SOX5: variants seen among roughly 807,000 people sequenced by gnomAD.
The protein encoded by SOX5 is transcription factor SOX-5.
In SOX5, 9 loss-of-function variants were observed where a neutral mutation model predicts 92.0. The ratio of observed to expected loss-of-function variants is 0.10; its 90% CI spans 0.06 to 0.17. The LOEUF (loss-of-function observed/expected upper bound fraction) is 0.17, where lower values mean the gene tolerates loss of function less well. Among genes scored for constraint, SOX5 ranks in the 10% least tolerant of loss-of-function variants. The probability of loss-of-function intolerance (pLI) is 1.00; values close to 1 mark genes in which losing one functional copy is unlikely to be tolerated. For synonymous variants in SOX5, 344 were observed against 336.3 expected (o/e 1.02, Z -0.25); for missense variants, 642 against 944.5 (o/e 0.68, Z 4.20).
chr12:23,711,030 G>A (rs766561286), intron 6 of SOX5, among the ~76,000 whole-genome samples: 12 of 152,108 alleles, frequency 7.9e-5, no homozygotes, highest in Non-Finnish European at 1.6e-4. Context: ...AGTTCAAGGA[G>A]TGCCTTGAAA....
At chr12:24,355,970 G>C (rs1954780258) in intron 2 of SOX5, among the ~76,000 whole-genome samples, 1 of 152,102 alleles carries the variant, frequency 6.6e-6, no homozygotes, top group Non-Finnish European at 1.5e-5. Context: ...ATAGAAAGAT[G>C]CAATTGGTCA....
At chr12:24,049,046 T>C (rs1483606518) in intron 4 of SOX5, among the ~76,000 whole-genome samples, 1 of 152,052 alleles carries the variant, frequency 6.6e-6, no homozygotes, top group Non-Finnish European at 1.5e-5. Context: ...CTAATAAAGT[T>C]ATTGCCAAAA....
intron 4 of SOX5, among the ~76,000 whole-genome samples, chr12:24,170,100 T>C (rs1323049948): frequency 6.6e-6 from 1 of 152,070 alleles, no homozygotes; most frequent in African/African-American, 2.4e-5. Context: ...GACCCCGCCG[T>C]TTTTCTCAGG....
intron 9 of SOX5, among the ~76,000 whole-genome samples, chr12:23,591,182 A>G (rs1951492909): frequency 1.3e-5 from 2 of 152,226 alleles, no homozygotes; most frequent in African/African-American, 2.4e-5. Flanking sequence ...AGTTAAAAAA[A>G]TCCTTATACA....
intron 3 of SOX5, among the ~76,000 whole-genome samples, chr12:23,827,268 C>A (rs973128251): frequency 6.6e-6 from 1 of 152,114 alleles, no homozygotes; most frequent in African/African-American, 2.4e-5. Flanking sequence ...ATTAAACTGT[C>A]TATCATGTTT....
intron 2 of SOX5, among the ~76,000 whole-genome samples, chr12:23,893,842 A>T (rs1041485110): frequency 5.9e-5 from 9 of 152,206 alleles, no homozygotes; most frequent in Non-Finnish European, 8.8e-5. Context: ...GAAGATAAAA[A>T]GTTTCATCAT....
At chr12:24,179,943 TA>T (rs10711734) in intron 4 of SOX5, among the ~76,000 whole-genome samples, 16,248 of 142,514 alleles carry the variant, frequency 0.11, 1,089 homozygotes, top group East Asian at 0.33. Context: ...TTTTTTTTAT[TA>T]AAAAAAAAAA....
At position 23,846,112 on chromosome 12, in the gene SOX5, G is replaced by T; in HGVS notation, c.352C>A (p.Arg118=). The change falls in exon 3 of 15, where the codon CGA becomes AGA. Residue 118 remains arginine, a synonymous_variant. Transcript: ENST00000451604. Reference sequence around the variant, plus strand: ...CTAGACAAGGACTCGCCACTCTGTCGCCCACCTTCTTCTGCCTTCTGAGGT... The same window carrying T: ...CTAGACAAGGACTCGCCACTCTGTCTCCCACCTTCTTCTGCCTTCTGAGGT... ...TSPQKAEEGG[R]QSGESLSSTA... The T allele has an allele frequency of 6.2e-7, 1 of 1,614,004 alleles. No homozygotes were observed. The highest frequency in any genetic ancestry group is 8.5e-7 in the Non-Finnish European group (1 of 1,179,956).
intron 1 of SOX5, among the ~76,000 whole-genome samples, chr12:24,431,298 T>C (rs548104301): frequency 4.0e-5 from 6 of 150,892 alleles, no homozygotes; most frequent in Non-Finnish European, 7.4e-5. Flanking sequence ...TTGAGAACCA[T>C]GATAATTGAG....
In SOX5 at chr12:24,003,164, T is replaced by TA. The variant is rs561527436; in HGVS notation, c.-1-107141dup. 2.6e-5 allele frequency among the ~76,000 whole-genome samples: 4 copies of TA among 152,130 alleles called. No homozygotes were observed. In the South Asian group the frequency reaches 8.3e-4, roughly 32 times the overall value. On this transcript the variant is annotated intron_variant, in intron 4 of 4. Transcript: ENST00000446891. ...GATCAGAAGAAAACTGTCTTAACACTATAAAGAACATCTGTAAAATGAAAC... is the reference window on the plus strand; with the variant it reads ...GATCAGAAGAAAACTGTCTTAACACTAATAAAGAACATCTGTAAAATGAAAC...
At chr12:23,721,316 C>T (rs1455261889) in intron 6 of SOX5, among the ~76,000 whole-genome samples, 1 of 151,966 alleles carries the variant, frequency 6.6e-6, no homozygotes. Flanking sequence ...AACTCCCGAC[C>T]TTAGGTGATC....
At chr12:24,448,723 T>C (rs759469003) in intron 1 of SOX5, among the ~76,000 whole-genome samples, 1 of 152,332 alleles carries the variant, frequency 6.6e-6, no homozygotes, top group East Asian at 1.9e-4. Flanking sequence ...GCATTTTAAC[T>C]GTGGGTAGAC....
intron 4 of SOX5, among the ~76,000 whole-genome samples, chr12:24,161,984 T>C (rs960330779): frequency 6.6e-6 from 1 of 152,102 alleles, no homozygotes; most frequent in East Asian, 1.9e-4. Context: ...GAAAATTTAA[T>C]AGAAATCATT....
At chr12:24,377,163 C>T (rs1957368519) in intron 1 of SOX5, among the ~76,000 whole-genome samples, 1 of 152,184 alleles carries the variant, frequency 6.6e-6, no homozygotes, top group South Asian at 2.1e-4. Flanking sequence ...GCACACTGCT[C>T]TTATCCATTG....
chr12:24,544,443 A>C (rs1273073976), intron 1 of SOX5, among the ~76,000 whole-genome samples: 1 of 152,246 alleles, frequency 6.6e-6, no homozygotes, highest in East Asian at 1.9e-4. Flanking sequence ...AAGAACATTC[A>C]AAAGCATTCT....
At chr12:23,701,397 A>G (rs1253063756) in intron 6 of SOX5, among the ~76,000 whole-genome samples, 2 of 151,954 alleles carry the variant, frequency 1.3e-5, no homozygotes, top group Non-Finnish European at 2.9e-5. Context: ...AGTTGCAGCT[A>G]GATTTTGTTA....
intron 4 of SOX5, among the ~76,000 whole-genome samples, chr12:23,964,561 T>C (rs1156335448): frequency 6.6e-6 from 1 of 152,176 alleles, no homozygotes; most frequent in Admixed American, 6.5e-5. Flanking sequence ...TATAATATCG[T>C]CCTAGAGAAG....
chr12:23,899,256 C>T (rs977740723), intron 1 of SOX5, among the ~76,000 whole-genome samples: 3 of 152,046 alleles, frequency 2.0e-5, no homozygotes, highest in East Asian at 1.9e-4. Context: ...ACAAAATTAG[C>T]TGGGCATGGT....
At chr12:23,982,199 C>T (rs1412114870) in intron 4 of SOX5, among the ~76,000 whole-genome samples, 1 of 152,182 alleles carries the variant, frequency 6.6e-6, no homozygotes, top group African/African-American at 2.4e-5. Context: ...AAACTATCTG[C>T]TTATCATAAA....
Sources: gnomAD v4.1 joint callset for allele counts (sites outside exome capture counted in the v4.1 genomes callset) on GRCh38, gnomAD v4.1.1 for gene constraint, MANE v1.5 for transcripts, NCBI Gene and HGNC (gene_info 2026-07-23, HGNC 2026-07-21) for gene names.